Variants in CACNA2D3 observed in about 807,000 individuals in gnomAD.
CACNA2D3 encodes voltage-dependent calcium channel subunit alpha-2/delta-3.
In CACNA2D3, 60 loss-of-function variants were observed where a neutral mutation model predicts 160.6. The ratio of observed to expected loss-of-function variants is 0.37; its 90% CI spans 0.30 to 0.46. The LOEUF (loss-of-function observed/expected upper bound fraction) is 0.46, where lower values mean the gene tolerates loss of function less well. CACNA2D3 is among the 20% of genes least tolerant of loss of function. CACNA2D3 has a pLI of 1.00. For missense variants in CACNA2D3, 1,205 were observed against 1,365.0 expected (o/e 0.88, Z 1.85); for synonymous variants, 558 against 492.9 (o/e 1.13, Z -1.75).
chr3:54,535,413 G>T (rs548646638), intron 5 of CACNA2D3, among the ~76,000 whole-genome samples: 1 of 152,068 alleles, frequency 6.6e-6, no homozygotes, highest in Non-Finnish European at 1.5e-5. Flanking sequence ...CCTATTTTTT[G>T]TTGTTTTCTT....
At chr3:54,445,322 AACGCTGATACTTC>A (rs1700204274) in intron 4 of CACNA2D3, among the ~76,000 whole-genome samples, 1 of 152,166 alleles carries the variant, frequency 6.6e-6, no homozygotes, top group African/African-American at 2.4e-5. Context: ...TGAAAGTTAA[AACGCTGATACTTC>A]ACTACTCAGG....
intron 12 of CACNA2D3, among the ~76,000 whole-genome samples, chr3:54,761,601 C>A (rs1294464809): frequency 1.3e-5 from 2 of 152,168 alleles, no homozygotes; most frequent in South Asian, 4.1e-4. Flanking sequence ...AAATGGGTCT[C>A]CCTAACTATG....
At chr3:54,847,121 A>T (rs1182174380) in intron 17 of CACNA2D3, among the ~76,000 whole-genome samples, 1 of 152,224 alleles carries the variant, frequency 6.6e-6, no homozygotes, top group East Asian at 1.9e-4. Flanking sequence ...AAAACAGCCC[A>T]TGGTAGCATC....
intron 21 of CACNA2D3, among the ~76,000 whole-genome samples, 173 bp downstream of exon 21, chr3:54,881,036 G>A (rs552251449): frequency 2.1e-4 from 32 of 152,130 alleles, no homozygotes; most frequent in Non-Finnish European, 3.7e-4. Flanking sequence ...TTCTTCCCTG[G>A]TGTGCCTAGA....
intron 5 of CACNA2D3, among the ~76,000 whole-genome samples, chr3:54,542,639 C>T (rs982931460): frequency 1.2e-4 from 18 of 152,098 alleles, no homozygotes; most frequent in Admixed American, 1.3e-4. Context: ...AACATGAAGG[C>T]CGGCAGACTC....
chr3:54,432,587 G>C (rs1374685523), intron 4 of CACNA2D3, among the ~76,000 whole-genome samples: 1 of 152,140 alleles, frequency 6.6e-6, no homozygotes, highest in Non-Finnish European at 1.5e-5. Flanking sequence ...AGCGGACCCA[G>C]TTGATGTGTT....
chr3:54,542,628 A>C (rs1701999368), intron 5 of CACNA2D3, among the ~76,000 whole-genome samples: 1 of 152,144 alleles, frequency 6.6e-6, no homozygotes, highest in Non-Finnish European at 1.5e-5. Context: ...AGCACAGGAG[A>C]AACATGAAGG....
intron 9 of CACNA2D3, among the ~76,000 whole-genome samples, chr3:54,595,319 T>G (rs1449258345): frequency 3.1e-5 from 4 of 129,056 alleles, no homozygotes; most frequent in African/African-American, 8.5e-5. Context: ...GTGTGGTGTG[T>G]GTGTGTGTGT....
chr3:54,736,570 T>C (rs1575449065), intron 11 of CACNA2D3, among the ~76,000 whole-genome samples: 1 of 152,352 alleles, frequency 6.6e-6, no homozygotes, highest in Non-Finnish European at 1.5e-5. Context: ...ACCCTTGTTG[T>C]TAACACATCA....
chr3:54,265,584 ATATATATATAGTGTG>A (rs1162547393), intron 2 of CACNA2D3, among the ~76,000 whole-genome samples: 140 of 144,838 alleles, frequency 9.7e-4, no homozygotes, highest in Non-Finnish European at 1.7e-3. Flanking sequence ...TAGTGTGTGT[ATATATATATAGTGTG>A]TATATATATA....
chr3:54,183,232 A>G lies in CACNA2D3; in HGVS notation c.204+59638A>G, dbSNP rs898241788. 9.4e-5 allele frequency among the ~76,000 whole-genome samples: 11 copies of G among 116,602 alleles called. No homozygotes were observed. In the East Asian group the frequency reaches 1.5e-3, roughly 16 times the overall value. 76.5% of individuals were successfully genotyped at this position (116,602 alleles called of 152,430 possible). On this transcript the variant is annotated intron_variant, in intron 2 of 37. Transcript: ENST00000474759. ...GAAAATTTTTTTTTTTTTTTTTTCT[A>G]TTCAGAAAATATATTGAAAGAAATG...
At chr3:54,816,674 G>C (rs908291851) in intron 13 of CACNA2D3, among the ~76,000 whole-genome samples, 179 bp from the exon 14 acceptor site, 2 of 152,204 alleles carry the variant, frequency 1.3e-5, no homozygotes, top group African/African-American at 4.8e-5. Context: ...CAGAAAGCAG[G>C]TCAAATAATC....
chr3:55,073,641 T>TAC, intron 36 of CACNA2D3, 84 bp downstream of exon 36: 1 of 1,267,698 alleles, frequency 7.9e-7, no homozygotes, highest in Non-Finnish European at 1.1e-6. Context: ...GGAGAAATAT[T>TAC]AGAGAAGGAA....
intron 24 of CACNA2D3, among the ~76,000 whole-genome samples, chr3:54,889,295 T>C (rs1700000180): frequency 6.6e-6 from 1 of 152,188 alleles, no homozygotes; most frequent in African/African-American, 2.4e-5. Context: ...ATTTTCATTT[T>C]ACAAAAAGAT....
intron 4 of CACNA2D3, among the ~76,000 whole-genome samples, chr3:54,462,608 T>G (rs1575469041): frequency 1.3e-5 from 2 of 152,166 alleles, no homozygotes; most frequent in Admixed American, 1.3e-4. Flanking sequence ...CCCTGCCTTT[T>G]TTTGTTTTCC....
intron 5 of CACNA2D3, among the ~76,000 whole-genome samples, chr3:54,539,986 G>A (rs1203451219): frequency 2.6e-5 from 4 of 152,158 alleles, no homozygotes; most frequent in Non-Finnish European, 4.4e-5. Context: ...TCTGTGGGTA[G>A]GAGTGAAATA....
At chr3:54,791,710 T>C (rs1702760889) in intron 13 of CACNA2D3, among the ~76,000 whole-genome samples, 1 of 152,214 alleles carries the variant, frequency 6.6e-6, no homozygotes, top group Non-Finnish European at 1.5e-5. Flanking sequence ...AGATGGGACT[T>C]AATTAAGTTG....
At chr3:54,621,635 G>A (rs1281701672) in intron 9 of CACNA2D3, among the ~76,000 whole-genome samples, 1 of 152,122 alleles carries the variant, frequency 6.6e-6, no homozygotes, top group African/African-American at 2.4e-5. Context: ...TTTGGTACAC[G>A]GCTGTTCAGC....
At chr3:54,628,988 A>C (rs1398679146) in intron 10 of CACNA2D3, among the ~76,000 whole-genome samples, 1 of 152,084 alleles carries the variant, frequency 6.6e-6, no homozygotes, top group Non-Finnish European at 1.5e-5. Context: ...ATCCCCTGAG[A>C]GCGTAGAGAA....
Sources: allele counts gnomAD v4.1 joint callset (sites outside exome capture counted in the v4.1 genomes callset), GRCh38; gene constraint gnomAD v4.1.1; transcripts MANE v1.5; gene names NCBI Gene and HGNC (gene_info 2026-07-23, HGNC 2026-07-21).